WASF1: variants seen among roughly 807,000 people sequenced by gnomAD.
The protein encoded by WASF1 is WASP family member 1.
A neutral mutation model predicts 50.5 loss-of-function variants in WASF1; 7 were observed. That is an observed-to-expected ratio of 0.14 (90% CI 0.08 to 0.26). The LOEUF is 0.26. WASF1 is among the 10% of genes least tolerant of loss of function. WASF1 has a pLI of 1.00. For missense variants in WASF1, 470 were observed against 694.7 expected (o/e 0.68, Z 3.64); for synonymous variants, 205 against 244.0 (o/e 0.84, Z 1.49).
At chr6:110,132,940 T>A (rs1774754605) in intron 3 of WASF1, among the ~76,000 whole-genome samples, 1 of 144,610 alleles carries the variant, frequency 6.9e-6, no homozygotes, top group Non-Finnish European at 1.5e-5. Flanking sequence ...ACCATGGTGT[T>A]TGTGTGTGTA....
chr6:110,139,616 C>T (rs938587625), intron 3 of WASF1, among the ~76,000 whole-genome samples: 15 of 152,122 alleles, frequency 9.9e-5, no homozygotes, highest in African/African-American at 3.4e-4. Flanking sequence ...AGACTTTCTT[C>T]CTCCAGTCTT....
chr6:110,110,820 GTTT>G (rs140344157), intron 5 of WASF1, among the ~76,000 whole-genome samples: 1 of 147,860 alleles, frequency 6.8e-6, no homozygotes, highest in Non-Finnish European at 1.5e-5. Flanking sequence ...TACACATGAT[GTTT>G]TTTTTTTAAT....
rs761840392 is a variant in WASF1, at chr6:110,105,398, T to A, written c.713+9A>T. The A allele has an allele frequency of 1.5e-5, 23 of 1,575,692 alleles. No individual in the cohort carries two copies. The highest frequency in any genetic ancestry group is 8.3e-5 in the South Asian group (7 of 84,196). ...TATCATTTAAAAAAAAAAACAAAAG[T>A]AAAGAAACCTTGTTTCAAAATGAGA... On this transcript the variant is annotated intron_variant, in intron 8 of 10. Coordinates refer to ENST00000392589, the MANE Select transcript of WASF1 (RefSeq NM_003931.3).
intron 3 of WASF1, among the ~76,000 whole-genome samples, chr6:110,133,994 A>G (rs902838201): frequency 1.3e-5 from 2 of 151,838 alleles, no homozygotes; most frequent in African/African-American, 4.8e-5. Flanking sequence ...TCTTGTTTTT[A>G]TTTTTTTGAG....
At chr6:110,121,354 C>T (rs181193951) in intron 4 of WASF1, among the ~76,000 whole-genome samples, 32 of 152,024 alleles carry the variant, frequency 2.1e-4, no homozygotes, top group African/African-American at 6.0e-4. Flanking sequence ...AAAAACAACC[C>T]GATCAAAAAG....
intron 3 of WASF1, among the ~76,000 whole-genome samples, chr6:110,139,765 C>G: frequency 6.6e-6 from 1 of 152,146 alleles, no homozygotes. Context: ...TGCCTGAAAC[C>G]ACAAATAGTA....
At chr6:110,127,434 G>A (rs1034478470) in intron 4 of WASF1, 35 bp downstream of exon 4, 10 of 1,519,526 alleles carry the variant, frequency 6.6e-6, no homozygotes, top group Non-Finnish European at 8.0e-6. Flanking sequence ...TAACATTCTG[G>A]TTTGTGAGTA....
At position 110,111,916 on chromosome 6, in the gene WASF1, G is replaced by A. The variant is rs188867617; in HGVS notation, c.268+1410C>T. 1.3e-3 allele frequency among the ~76,000 whole-genome samples: 192 copies of A among 152,072 alleles called. 5 individuals are homozygous for A. In the South Asian group the frequency reaches 0.038, roughly 30 times the overall value. ...AATTGTACACTTCAACTTTAAATGG[G>A]TGAACTGCAAGGTATACGTAGGTTG... is the stretch of plus-strand genomic sequence containing the variant. On this transcript the variant is annotated intron_variant, in intron 5 of 10. Coordinates refer to ENST00000392589, the MANE Select transcript of WASF1 (RefSeq NM_003931.3).
chr6:110,161,034 A>G (rs1358214503), intron 2 of WASF1, among the ~76,000 whole-genome samples: 1 of 151,540 alleles, frequency 6.6e-6, no homozygotes, highest in Non-Finnish European at 1.5e-5. Context: ...ACCTATTGCT[A>G]CTAAAGCCGT....
chr6:110,138,677 A>G (rs112693352), intron 3 of WASF1, among the ~76,000 whole-genome samples: 2,634 of 152,202 alleles, frequency 0.017, 74 homozygotes, highest in African/African-American at 0.059. Flanking sequence ...AGTTGAGGAG[A>G]CCCAAAGTGG....
intron 3 of WASF1, among the ~76,000 whole-genome samples, chr6:110,137,805 GGAAAA>G (rs1440468334): frequency 1.3e-5 from 2 of 152,296 alleles, no homozygotes; most frequent in East Asian, 1.9e-4. Context: ...AAAGCCAGGT[GGAAAA>G]GAAAATAAAC....
intron 8 of WASF1, among the ~76,000 whole-genome samples, chr6:110,103,939 CAGAA>C (rs2114452272): frequency 6.6e-6 from 1 of 151,898 alleles, no homozygotes; most frequent in African/African-American, 2.4e-5. Flanking sequence ...ATGCCAATGA[CAGAA>C]AGGTAGAATA....
chr6:110,100,420 G>A lies in WASF1; in HGVS notation c.*102C>T, dbSNP rs1773029385. 2.6e-6 allele frequency: 3 copies of A among 1,136,398 alleles called. No individual in the cohort carries two copies. The highest frequency in any genetic ancestry group is 4.3e-5 in the South Asian group (2 of 46,612). 70.4% of individuals were successfully genotyped at this position (1,136,398 alleles called of 1,614,324 possible). On this transcript the variant is annotated 3_prime_UTR_variant, in exon 11 of 11. Transcript: ENST00000392589. The stretch of plus-strand genomic sequence containing the variant: ...GGAGGAAAAGGGTCATTTATTATAA[G>A]GAAAAGAAAGCAAAACACTAGAATG...
intron 2 of WASF1, among the ~76,000 whole-genome samples, chr6:110,164,246 A>C (rs997299658): frequency 2.6e-5 from 4 of 151,772 alleles, no homozygotes; most frequent in Admixed American, 1.3e-4. Flanking sequence ...TGTTAAGACA[A>C]TGTTGAGAGA....
At chr6:110,174,952 C>T (rs1316507756) in intron 2 of WASF1, among the ~76,000 whole-genome samples, 1 of 152,036 alleles carries the variant, frequency 6.6e-6, no homozygotes, top group African/African-American at 2.4e-5. Context: ...ACTGGGAACA[C>T]AAAAATGAAG....
intron 5 of WASF1, 143 bp from the exon 6 acceptor site, chr6:110,108,824 T>C (rs1773436225): frequency 4.3e-6 from 3 of 690,636 alleles, no homozygotes; most frequent in Non-Finnish European, 7.0e-6. Flanking sequence ...AGAAACCATA[T>C]TTTAAATGTT....
intron 4 of WASF1, among the ~76,000 whole-genome samples, chr6:110,118,894 C>G (rs765853335): frequency 5.3e-5 from 8 of 152,172 alleles, no homozygotes; most frequent in East Asian, 1.9e-4. Context: ...GAAACTCACT[C>G]AAAACCGCAC....
chr6:110,149,111 G>C (rs1447434324), intron 3 of WASF1, among the ~76,000 whole-genome samples: 1 of 152,146 alleles, frequency 6.6e-6, no homozygotes, highest in Non-Finnish European at 1.5e-5. Flanking sequence ...GTAATTTAAT[G>C]GTATTTGGGA....
At chr6:110,145,822 C>A (rs924035030) in intron 3 of WASF1, among the ~76,000 whole-genome samples, 2 of 151,992 alleles carry the variant, frequency 1.3e-5, no homozygotes, top group East Asian at 3.9e-4. Context: ...GAGTTCATGT[C>A]CTTTGCAGGG....
Sources: gnomAD v4.1 joint callset for allele counts (sites outside exome capture counted in the v4.1 genomes callset) on GRCh38, gnomAD v4.1.1 for gene constraint, MANE v1.5 for transcripts, NCBI Gene and HGNC (gene_info 2026-07-23, HGNC 2026-07-21) for gene names.